The following RBFOX1 variants were observed in gnomAD, a reference collection of about 807,000 sequenced individuals.
The protein encoded by RBFOX1 is RNA binding fox-1 homolog 1.
A neutral mutation model predicts 57.7 loss-of-function variants in RBFOX1; 8 were observed. That is an observed-to-expected ratio of 0.14 (90% CI 0.08 to 0.25). The LOEUF (loss-of-function observed/expected upper bound fraction) is 0.25. Among genes scored for constraint, RBFOX1 ranks in the 10% least tolerant of loss-of-function variants. The pLI, the probability that RBFOX1 is intolerant of heterozygous loss-of-function variation, is 1.00. For synonymous variants in RBFOX1, 326 were observed against 222.4 expected (o/e 1.47, Z -4.15); for missense variants, 611 against 548.5 (o/e 1.11, Z -1.14).
chr16:7,007,746 A>G (rs1053296716), intron 3 of RBFOX1, among the ~76,000 whole-genome samples: 2 of 152,104 alleles, frequency 1.3e-5, no homozygotes, highest in African/African-American at 4.8e-5. Flanking sequence ...AAATCATCTC[A>G]TTTCCCTACA....
chr16:7,058,311 C>A (rs2153743030), intron 4 of RBFOX1, among the ~76,000 whole-genome samples: 1 of 152,280 alleles, frequency 6.6e-6, no homozygotes, highest in East Asian at 1.9e-4. Flanking sequence ...GGCTGTAACA[C>A]TTTCTAAGCT....
chr16:7,144,758 C>T lies in RBFOX1; in HGVS notation c.27+92660C>T, dbSNP rs552901000. On this transcript the variant is annotated intron_variant, in intron 4 of 15. Coordinates refer to ENST00000550418, the MANE Select transcript of RBFOX1 (RefSeq NM_018723.4). ...ACATATGAGAAAATAAAATGTTTTC[C>T]TGCATCACTATGAAAAAGAGCCCTA... Among the ~76,000 whole-genome samples, 4 of 152,176 alleles carry T rather than the reference C, an allele frequency of 2.6e-5. No homozygotes were observed. In the South Asian group the frequency reaches 6.2e-4, roughly 24 times the overall value.
intron 1 of RBFOX1, among the ~76,000 whole-genome samples, chr16:6,085,838 G>A (rs951652693): frequency 6.6e-6 from 1 of 151,726 alleles, no homozygotes; most frequent in African/African-American, 2.4e-5. Flanking sequence ...TTTTGTTTAA[G>A]TTCTGGGATA....
intron 1 of RBFOX1, among the ~76,000 whole-genome samples, chr16:5,400,281 T>C (rs1454365104): frequency 6.6e-6 from 1 of 151,872 alleles, no homozygotes; most frequent in Non-Finnish European, 1.5e-5. Flanking sequence ...TCAGTAGAGA[T>C]GGGATTTCAG....
chr16:5,587,896 T>A (rs2046885499), intron 2 of RBFOX1, among the ~76,000 whole-genome samples: 1 of 152,188 alleles, frequency 6.6e-6, no homozygotes, highest in South Asian at 2.1e-4. Context: ...GTCCTCATGA[T>A]AACGTGTGCG....
intron 2 of RBFOX1, among the ~76,000 whole-genome samples, chr16:5,525,555 T>G (rs1007020283): frequency 7.1e-6 from 1 of 141,136 alleles, no homozygotes; most frequent in African/African-American, 2.7e-5. Context: ...TGGAGTGCAG[T>G]GGCGTGATCT....
chr16:5,454,674 T>G (rs2151574750), intron 1 of RBFOX1, among the ~76,000 whole-genome samples: 1 of 152,294 alleles, frequency 6.6e-6, no homozygotes, highest in South Asian at 2.1e-4. Flanking sequence ...ACCTTGCAGA[T>G]TTAGGATTTT....
intron 4 of RBFOX1, among the ~76,000 whole-genome samples, chr16:7,095,336 C>T (rs1392675717): frequency 6.6e-6 from 1 of 152,104 alleles, no homozygotes; most frequent in East Asian, 1.9e-4. Flanking sequence ...CTGGGTTTCA[C>T]TATATTGGCC....
intron 4 of RBFOX1, among the ~76,000 whole-genome samples, chr16:7,433,774 C>G (rs1018451172): frequency 1.8e-4 from 28 of 152,202 alleles, no homozygotes; most frequent in African/African-American, 6.0e-4. Context: ...ATCTAACTAT[C>G]CATCCAGCCA....
intron 4 of RBFOX1, among the ~76,000 whole-genome samples, chr16:7,079,632 G>T (rs62014092): frequency 5.3e-5 from 8 of 152,054 alleles, no homozygotes; most frequent in African/African-American, 1.9e-4. Context: ...AGCCTTTTGC[G>T]TTATGATGGA....
At chr16:6,556,493 C>T (rs868252403) in intron 2 of RBFOX1, among the ~76,000 whole-genome samples, 12 of 152,178 alleles carry the variant, frequency 7.9e-5, no homozygotes, top group Non-Finnish European at 1.6e-4. Context: ...CTCATTTGTT[C>T]CCAGGAAGTC....
intron 4 of RBFOX1, among the ~76,000 whole-genome samples, chr16:5,965,711 C>G (rs1179393552): frequency 1.3e-5 from 2 of 152,154 alleles, no homozygotes; most frequent in Non-Finnish European, 2.9e-5. Flanking sequence ...CTGACTTAAG[C>G]AGACTCTAAT....
At chr16:6,866,584 C>G (rs894936906) in intron 3 of RBFOX1, among the ~76,000 whole-genome samples, 1 of 123,436 alleles carries the variant, frequency 8.1e-6, no homozygotes, top group Non-Finnish European at 1.6e-5. Flanking sequence ...CTCTGTCCCC[C>G]AGGCTGGAGT....
intron 3 of RBFOX1, among the ~76,000 whole-genome samples, chr16:5,767,371 A>T (rs1865814): frequency 6.6e-6 from 1 of 152,156 alleles, no homozygotes; most frequent in African/African-American, 2.4e-5. Context: ...CTCCACAGAA[A>T]TTCATTAACT....
chr16:5,991,544 A>G (rs989935993), intron 4 of RBFOX1, among the ~76,000 whole-genome samples: 1 of 152,134 alleles, frequency 6.6e-6, no homozygotes, highest in South Asian at 2.1e-4. Context: ...GTGGCTGGAT[A>G]GGAGCTGGGA....
At chr16:7,132,964 C>A (rs2070926525) in intron 4 of RBFOX1, among the ~76,000 whole-genome samples, 1 of 152,104 alleles carries the variant, frequency 6.6e-6, no homozygotes, top group Non-Finnish European at 1.5e-5. Context: ...AAACTGCAAA[C>A]TAGAGTCAGA....
At chr16:6,714,333 T>C (rs888729849) in intron 3 of RBFOX1, among the ~76,000 whole-genome samples, 4 of 152,144 alleles carry the variant, frequency 2.6e-5, no homozygotes, top group African/African-American at 9.7e-5. Context: ...GTGGTTTATT[T>C]GGGAGGAAAC....
At chr16:6,536,273 A>G (rs184070289) in intron 2 of RBFOX1, among the ~76,000 whole-genome samples, 15 of 152,198 alleles carry the variant, frequency 9.9e-5, no homozygotes, top group African/African-American at 2.4e-4. Flanking sequence ...GAGTCTTTGA[A>G]TACTTTCCTG....
chr16:5,408,831 C>G (rs891479122), intron 1 of RBFOX1, among the ~76,000 whole-genome samples: 1 of 152,172 alleles, frequency 6.6e-6, no homozygotes, highest in Admixed American at 6.5e-5. Flanking sequence ...GTGCTACCCA[C>G]TTTTAAACAG....
Sources: gnomAD v4.1 joint callset for allele counts (sites outside exome capture counted in the v4.1 genomes callset) on GRCh38, gnomAD v4.1.1 for gene constraint, MANE v1.5 for transcripts, NCBI Gene and HGNC (gene_info 2026-07-23, HGNC 2026-07-21) for gene names.